The following PAK3 variants were observed in gnomAD, a reference collection of about 807,000 sequenced individuals.
PAK3 encodes the protein p21 (RAC1) activated kinase 3.
PAK3 carries 4 observed loss-of-function variants against 41.0 expected under a neutral mutation model. The observed-to-expected ratio is 0.10, with a 90% confidence interval of 0.05 to 0.22. PAK3 has a LOEUF of 0.22. Among genes scored for constraint, PAK3 ranks in the 10% least tolerant of loss-of-function variants. The pLI is 1.00. For synonymous variants in PAK3, 146 were observed against 139.6 expected (o/e 1.05, Z -0.32); for missense variants, 205 against 409.9 (o/e 0.50, Z 4.32).
chrX:111,093,951 G>C (rs2092948754), upstream of PAK3, among the ~76,000 whole-genome samples: 1 of 111,931 alleles, frequency 8.9e-6, no homozygotes, highest in Admixed American at 9.4e-5. Flanking sequence ...AAAGGTTCTT[G>C]TTTAACCCAA....
At chrX:111,061,368 A>G (rs1006715121) in intron 1 of PAK3, among the ~76,000 whole-genome samples, 6 of 111,827 alleles carry the variant, frequency 5.4e-5, no homozygotes, top group Non-Finnish European at 1.1e-4. Context: ...TTGTCTAGTC[A>G]TGTGAATACA....
chrX:111,118,482 G>T (rs1242445601), intron 4 of PAK3, among the ~76,000 whole-genome samples: 1 of 110,667 alleles, frequency 9.0e-6, no homozygotes, highest in African/African-American at 3.3e-5. Flanking sequence ...ATATATCTCA[G>T]ATTAGGAAAT....
intron 4 of PAK3, among the ~76,000 whole-genome samples, chrX:111,114,251 A>T (rs1016896655): frequency 2.7e-5 from 3 of 112,080 alleles, no homozygotes; most frequent in Non-Finnish European, 5.6e-5. Flanking sequence ...AATGAAACCC[A>T]CTGCTGGAGC....
At chrX:111,069,299 G>A (rs980003662) in intron 1 of PAK3, among the ~76,000 whole-genome samples, 1 of 111,304 alleles carries the variant, frequency 9.0e-6, no homozygotes, top group East Asian at 2.8e-4. Context: ...TTGGTTATGG[G>A]CATATCCCAT....
intron 1 of PAK3, among the ~76,000 whole-genome samples, chrX:110,977,828 T>C (rs2091367904): frequency 8.9e-6 from 1 of 112,108 alleles, no homozygotes; most frequent in African/African-American, 3.2e-5. Context: ...TGGACACTGG[T>C]CATGTCATCT....
At chrX:111,179,750 T>C (rs1186132670) in intron 11 of PAK3, among the ~76,000 whole-genome samples, 5 of 111,817 alleles carry the variant, frequency 4.5e-5, no homozygotes. Context: ...CATTATCTTG[T>C]TGAAGAAACT....
intron 1 of PAK3, among the ~76,000 whole-genome samples, chrX:111,051,603 A>G (rs2092559115): frequency 8.9e-6 from 1 of 111,787 alleles, no homozygotes; most frequent in African/African-American, 3.3e-5. Context: ...TGCTGATACA[A>G]TCTGAACCTC....
At chrX:111,196,965 G>A (rs1235238030) in intron 16 of PAK3, among the ~76,000 whole-genome samples, 2 of 105,012 alleles carry the variant, frequency 1.9e-5, no homozygotes, top group African/African-American at 7.0e-5. Context: ...TACATACGCA[G>A]GTTTATTATA....
chrX:111,141,623 A>T (rs182212285), intron 5 of PAK3, among the ~76,000 whole-genome samples: 2,200 of 112,276 alleles, frequency 0.02, 46 homozygotes, highest in African/African-American at 0.063. Flanking sequence ...GAAACATGTT[A>T]AATTAAATAA....
chrX:111,164,013 T>G (rs191089363), intron 10 of PAK3, among the ~76,000 whole-genome samples: 204 of 112,301 alleles, frequency 1.8e-3, no homozygotes, highest in African/African-American at 6.1e-3. Context: ...CAAAAGAGAA[T>G]AGTCTGATAA....
intron 6 of PAK3, among the ~76,000 whole-genome samples, chrX:111,145,644 C>T (rs1057385389): frequency 5.4e-5 from 6 of 111,466 alleles, no homozygotes; most frequent in Non-Finnish European, 1.1e-4. Flanking sequence ...GTAAAAGTGT[C>T]GTTTCACTGT....
intron 1 of PAK3, among the ~76,000 whole-genome samples, chrX:111,006,852 T>TCTTTCTTTCTTTCTTTCTTTC (rs1265819390): frequency 5.9e-5 from 5 of 84,628 alleles, no homozygotes; most frequent in Admixed American, 1.4e-4. Flanking sequence ...TTTCTTTCTT[T>TCTTTCTTTCTTTCTTTCTTTC]TTTTTTTTTT....
intron 16 of PAK3, among the ~76,000 whole-genome samples, chrX:111,214,351 C>A (rs1391614251): frequency 3.6e-5 from 4 of 111,386 alleles, no homozygotes; most frequent in Non-Finnish European, 7.5e-5. Context: ...AATATTGGCA[C>A]CTAGGTTCTG....
chrX:111,107,524 G>T (rs746056148), intron 4 of PAK3, among the ~76,000 whole-genome samples: 13 of 112,024 alleles, frequency 1.2e-4, no homozygotes, highest in Admixed American at 2.8e-4. Flanking sequence ...TGGATCAGGA[G>T]CCTGGTGCAA....
At chrX:111,038,043 C>A (rs894465243) in intron 1 of PAK3, among the ~76,000 whole-genome samples, 9 of 111,590 alleles carry the variant, frequency 8.1e-5, no homozygotes, top group African/African-American at 2.9e-4. Flanking sequence ...TATGCTTCAA[C>A]CTTTATATAT....
intron 1 of PAK3, chrX:111,013,916 C>T (rs1050229530): frequency 8.9e-6 from 1 of 111,871 alleles, no homozygotes; most frequent in African/African-American, 3.3e-5. Flanking sequence ...CTTGAATGGT[C>T]TCTGTGTCCC....
intron 1 of PAK3, among the ~76,000 whole-genome samples, chrX:111,055,106 C>T (rs1053269296): frequency 1.8e-5 from 2 of 112,010 alleles, no homozygotes; most frequent in African/African-American, 6.5e-5. Flanking sequence ...AACCACTAGA[C>T]CACACTACCA....
chrX:110,999,698 G>A (rs747428844), intron 1 of PAK3, among the ~76,000 whole-genome samples: 1 of 107,706 alleles, frequency 9.3e-6, no homozygotes, highest in Non-Finnish European at 1.9e-5. Flanking sequence ...AAAAAGCCAG[G>A]TGCAGTGGCT....
At chrX:111,061,365 G>A (rs969606787) in intron 1 of PAK3, among the ~76,000 whole-genome samples, 1 of 111,379 alleles carries the variant, frequency 9.0e-6, no homozygotes, top group South Asian at 3.7e-4. Flanking sequence ...TTTTTGTCTA[G>A]TCATGTGAAT....
Sources: allele counts gnomAD v4.1 joint callset (sites outside exome capture counted in the v4.1 genomes callset), GRCh38; gene constraint gnomAD v4.1.1; transcripts MANE v1.5; gene names NCBI Gene and HGNC (gene_info 2026-07-23, HGNC 2026-07-21).